The following ITSN1 variants were observed in gnomAD, a reference collection of about 807,000 sequenced individuals.
ITSN1 encodes the protein intersectin-1.
In ITSN1, 58 loss-of-function variants were observed where a neutral mutation model predicts 239.8. The observed-to-expected ratio is 0.24, with a 90% CI of 0.20 to 0.30. ITSN1 has a LOEUF of 0.30. ITSN1 is among the 10% of genes least tolerant of loss of function. The pLI, the probability that ITSN1 is intolerant of heterozygous loss-of-function variation, is 1.00. For missense variants in ITSN1, 1,558 were observed against 2,103.3 expected (o/e 0.74, Z 5.07); for synonymous variants, 780 against 770.8 (o/e 1.01, Z -0.20).
At position 33,767,776 on chromosome 21, in the gene ITSN1, A is replaced by G. The variant is rs1326613293; in HGVS notation, c.990A>G (p.Pro330=). 6.2e-7 allele frequency: 1 copy of G among 1,613,068 alleles called. No homozygotes were observed. The highest frequency in any genetic ancestry group is 8.5e-7 in the Non-Finnish European group (1 of 1,179,288). Residue 330 remains proline (P), a synonymous_variant, in exon 11 of 40, where the codon CCA becomes CCG. Coordinates refer to ENST00000381318, the MANE Select transcript of ITSN1 (RefSeq NM_003024.3). Reference sequence around the variant, plus strand: ...CAACATCTGTAGATCAGAGGCTACCAGAGGAACCAGTTTTAGAAGATGAAC... The same window carrying G: ...CAACATCTGTAGATCAGAGGCTACCGGAGGAACCAGTTTTAGAAGATGAAC... The part of the protein sequence containing the change: ...ISSTSVDQRL[P]EEPVLEDEQQ...
chr21:33,850,627 G>A (rs1021979528), intron 29 of ITSN1, among the ~76,000 whole-genome samples: 2 of 152,210 alleles, frequency 1.3e-5, no homozygotes, highest in Admixed American at 6.5e-5. Context: ...GGGGCCGAGC[G>A]TGGATGCTGC....
At chr21:33,857,847 G>A (rs1979655363) in intron 30 of ITSN1, among the ~76,000 whole-genome samples, 1 of 152,090 alleles carries the variant, frequency 6.6e-6, no homozygotes. Flanking sequence ...GGTTGCCCTG[G>A]TACATGCCGG....
At chr21:33,887,234 G>A (rs1251083007) in intron 39 of ITSN1, among the ~76,000 whole-genome samples, 1 of 151,718 alleles carries the variant, frequency 6.6e-6, no homozygotes, top group African/African-American at 2.4e-5. Flanking sequence ...CAGGAGGATT[G>A]CTTGAGCCTG....
chr21:33,872,563 G>A (rs1010775463), intron 33 of ITSN1, among the ~76,000 whole-genome samples: 2 of 151,732 alleles, frequency 1.3e-5, no homozygotes, highest in East Asian at 1.9e-4. Context: ...ACAGAGTCTC[G>A]CTCTGTCACC....
At chr21:33,766,759 A>G (rs1196288969) in intron 10 of ITSN1, among the ~76,000 whole-genome samples, 1 of 152,238 alleles carries the variant, frequency 6.6e-6, no homozygotes, top group Non-Finnish European at 1.5e-5. Flanking sequence ...CTATGTAGGA[A>G]GCAACAGATA....
At chr21:33,780,442 G>A (rs1328590576) in intron 14 of ITSN1, among the ~76,000 whole-genome samples, 1 of 152,144 alleles carries the variant, frequency 6.6e-6, no homozygotes, top group Non-Finnish European at 1.5e-5. Flanking sequence ...TCTGATTTGT[G>A]TATTCTGTTT....
chr21:33,675,994 T>C (rs906742674), intron 1 of ITSN1, among the ~76,000 whole-genome samples: 1 of 152,130 alleles, frequency 6.6e-6, no homozygotes, highest in Admixed American at 6.5e-5. Context: ...GTGTTTTAAG[T>C]GTTTCATAGA....
At chr21:33,870,064 G>T (rs904640254) in intron 33 of ITSN1, among the ~76,000 whole-genome samples, 9 of 151,906 alleles carry the variant, frequency 5.9e-5, no homozygotes, top group South Asian at 2.1e-4. Flanking sequence ...TTCCTTATTT[G>T]CTCAGTCTTC....
At chr21:33,721,085 C>A in intron 2 of ITSN1, 93 bp from the exon 3 acceptor site, 1 of 784,728 alleles carries the variant, frequency 1.3e-6, no homozygotes, top group Non-Finnish European at 2.2e-6. Flanking sequence ...AATACATTGA[C>A]AGAATCTTGA....
intron 20 of ITSN1, among the ~76,000 whole-genome samples, chr21:33,806,502 GA>G (rs1010544044): frequency 7.2e-5 from 11 of 152,260 alleles, no homozygotes; most frequent in Non-Finnish European, 1.3e-4. Flanking sequence ...TAAAAATTGA[GA>G]AAAGAGGTGT....
chr21:33,669,640 A>G lies in ITSN1; in HGVS notation c.-33+26927A>G, dbSNP rs575615432. 1.1e-4 allele frequency among the ~76,000 whole-genome samples: 16 copies of G among 151,736 alleles called. 1 individual carries two copies. The South Asian group carries it at 2.3e-3, about 22-fold the overall frequency. ...TATTTTTAGTAGACATGGGGGTTTC[A>G]CTATATTGGCCAGGTTGGTCTTGAA... On this transcript the variant is annotated intron_variant, in intron 1 of 39. Transcript: ENST00000381318.
At chr21:33,682,174 G>T (rs1181743621) in intron 1 of ITSN1, among the ~76,000 whole-genome samples, 2 of 150,406 alleles carry the variant, frequency 1.3e-5, no homozygotes, top group Non-Finnish European at 3.0e-5. Flanking sequence ...ACAACTATTG[G>T]TGTTTTGTTA....
chr21:33,734,854 T>C (rs1473865434), intron 4 of ITSN1, among the ~76,000 whole-genome samples, 190 bp from the exon 5 acceptor site: 1 of 152,224 alleles, frequency 6.6e-6, no homozygotes, highest in East Asian at 1.9e-4. Flanking sequence ...GAAAGATATT[T>C]TATGTTTATA....
At chr21:33,869,390 A>G (rs142958541) in intron 33 of ITSN1, among the ~76,000 whole-genome samples, 2 of 152,328 alleles carry the variant, frequency 1.3e-5, no homozygotes, top group African/African-American at 2.4e-5. Context: ...ACTCACTCTC[A>G]CTAGAACAGG....
intron 1 of ITSN1, among the ~76,000 whole-genome samples, chr21:33,688,619 G>A (rs2091361895): frequency 1.3e-5 from 2 of 152,134 alleles, no homozygotes; most frequent in Non-Finnish European, 2.9e-5. Context: ...GTTTCCAATA[G>A]ATCTAGTTGT....
chr21:33,645,083 C>T (rs762076473), intron 1 of ITSN1, among the ~76,000 whole-genome samples: 5 of 152,138 alleles, frequency 3.3e-5, no homozygotes, highest in African/African-American at 4.8e-5. Context: ...GGCAGCCTCC[C>T]AAAGAGCTAG....
At chr21:33,799,556 G>A (rs2071817732) in intron 18 of ITSN1, among the ~76,000 whole-genome samples, 2 of 152,180 alleles carry the variant, frequency 1.3e-5, no homozygotes, top group South Asian at 2.1e-4. Context: ...CAGCCTCGCC[G>A]CACCCAGGCT....
intron 25 of ITSN1, among the ~76,000 whole-genome samples, chr21:33,825,802 G>A (rs1185146255): frequency 6.6e-6 from 1 of 152,130 alleles, no homozygotes; most frequent in Non-Finnish European, 1.5e-5. Flanking sequence ...CGTTAATAAA[G>A]CAGAATCAGA....
At position 33,797,487 on chromosome 21, in the gene ITSN1, T is replaced by A. The variant is rs1429953136; in HGVS notation, c.2061T>A (p.Ser687Arg). ...HEEEKLKREESVKKKDGEEKG... is the reference protein window; with the variant it reads ...HEEEKLKREERVKKKDGEEKG... ...AGGAAAAACTGAAAAGGGAGGAGAG[T>A]GTCAAAAAGAAGGATGGCGAGGAAA... The change falls in exon 18 of 40, where the codon AGT (serine) becomes AGA (arginine). Residue 687 changes from serine to arginine, a missense_variant. Transcript: ENST00000381318. The surrounding 1 kb of genome is among the most constrained non-coding windows in gnomAD (Gnocchi z 4.9). 1 of 1,612,392 alleles carries A rather than the reference T, an allele frequency of 6.2e-7. No individual in the cohort carries two copies. Among genetic ancestry groups the A allele is most frequent in the Non-Finnish European group, 8.5e-7 (1 of 1,179,632 alleles).
Sources: allele counts gnomAD v4.1 joint callset (sites outside exome capture counted in the v4.1 genomes callset), GRCh38; gene constraint gnomAD v4.1.1; non-coding constraint Gnocchi (gnomAD v3.1); transcripts MANE v1.5; gene names NCBI Gene and HGNC (gene_info 2026-07-23, HGNC 2026-07-21).